MARVELD2: variants seen among roughly 807,000 people sequenced by gnomAD.
MARVELD2 encodes the protein MARVEL domain containing 2.
A neutral mutation model predicts 57.6 loss-of-function variants in MARVELD2; 49 were observed. That is an observed-to-expected ratio of 0.85 (90% CI 0.68 to 1.08). The LOEUF (loss-of-function observed/expected upper bound fraction) is 1.08. Among genes scored for constraint, MARVELD2 ranks in the 50% least tolerant of loss-of-function variants. MARVELD2 has a pLI of 0.00. For synonymous variants in MARVELD2, 238 were observed against 258.8 expected, an observed-to-expected ratio of 0.92 and a Z score of 0.77; for missense variants, 606 against 701.1, an observed-to-expected ratio of 0.86 and a Z score of 1.53.
At chr5:69,438,528 G>A (rs577048769) in intron 5 of MARVELD2, among the ~76,000 whole-genome samples, 1 of 152,214 alleles carries the variant, frequency 6.6e-6, no homozygotes, top group South Asian at 2.1e-4. Flanking sequence ...CAGGAAGAGT[G>A]CTCAAAGCCA....
chr5:69,433,912 CT>C lies in MARVELD2; in HGVS notation c.1503+831del, dbSNP rs531733396. On this transcript the variant is annotated intron_variant, in intron 5 of 6. Transcript: ENST00000325631. ...CTTCAATTATTAAACAGTATTTCTT[CT>C]TTTTTTTTTTTCACTCTGTGCTTAC... Among the ~76,000 whole-genome samples the C allele has an allele frequency of 7.8e-3, 1,119 of 144,294 alleles. 14 individuals carry two copies. The highest frequency in any genetic ancestry group is 0.024 in the African/African-American group (967 of 39,648). The allele number at this position is 144,294 out of a possible 152,430, so 94.7% of individuals were successfully genotyped here.
chr5:69,429,540 T>G (rs1183888638), intron 3 of MARVELD2, among the ~76,000 whole-genome samples: 3 of 152,116 alleles, frequency 2.0e-5, no homozygotes, highest in African/African-American at 7.2e-5. Flanking sequence ...CCAAGCACGA[T>G]CTTACTTTCC....
At chr5:69,436,041 T>G (rs1767126454) in intron 5 of MARVELD2, among the ~76,000 whole-genome samples, 1 of 152,206 alleles carries the variant, frequency 6.6e-6, no homozygotes, top group Non-Finnish European at 1.5e-5. Context: ...TATCAAGAGA[T>G]AGACATTTGG....
chr5:69,425,443 C>T (rs933331534), intron 3 of MARVELD2, among the ~76,000 whole-genome samples: 14 of 148,264 alleles, frequency 9.4e-5, no homozygotes, highest in African/African-American at 3.4e-4. Flanking sequence ...GTAGCTGTTA[C>T]ATCGAGTTCA....
At position 69,419,371 on chromosome 5, in the gene MARVELD2, G is replaced by T; in HGVS notation, c.-15G>T. The T allele has an allele frequency of 6.2e-7, 1 of 1,614,146 alleles. No homozygotes were observed. The highest frequency in any genetic ancestry group is 8.5e-7 in the Non-Finnish European group (1 of 1,179,994). On this transcript the variant is annotated splice_region_variant and 5_prime_UTR_variant, in exon 2 of 7. Coordinates refer to ENST00000325631, the MANE Select transcript of MARVELD2 (RefSeq NM_001038603.3). ...GTGATAACTTTAAATTTGGCCACAG[G>T]TGTGAAAATCACAAATGTCAAATGA...
intron 1 of MARVELD2, chr5:69,415,800 C>T (rs1766391020): frequency 6.6e-6 from 1 of 152,288 alleles, no homozygotes; most frequent in Non-Finnish European, 1.5e-5. Context: ...AGCCATTTCT[C>T]CTGCCATTGC....
At chr5:69,423,939 G>A (rs529794985) in intron 2 of MARVELD2, among the ~76,000 whole-genome samples, 23 of 151,984 alleles carry the variant, frequency 1.5e-4, no homozygotes, top group Non-Finnish European at 3.4e-4. Context: ...TTTCTTAAAT[G>A]TACATCTCTG....
At chr5:69,439,567 A>G (rs1767264247) in intron 5 of MARVELD2, among the ~76,000 whole-genome samples, 1 of 151,822 alleles carries the variant, frequency 6.6e-6, no homozygotes, top group Non-Finnish European at 1.5e-5. Flanking sequence ...CAGCCTGGGA[A>G]ACATGGCAAA....
intron 3 of MARVELD2, among the ~76,000 whole-genome samples, chr5:69,425,988 C>T (rs1044292731): frequency 3.3e-5 from 5 of 151,826 alleles, no homozygotes; most frequent in South Asian, 2.1e-4. Flanking sequence ...GTGATCCGCC[C>T]GCCTCGGCCT....
intron 1 of MARVELD2, among the ~76,000 whole-genome samples, chr5:69,417,715 G>A (rs915608663): frequency 3.9e-5 from 6 of 151,938 alleles, no homozygotes; most frequent in African/African-American, 1.5e-4. Flanking sequence ...AGGCCGAGGC[G>A]GGTGGATTAT....
At position 69,420,282 on chromosome 5, in the gene MARVELD2, C is replaced by G. The variant is rs1766580596; in HGVS notation, c.897C>G (p.Ala299=). ...TAACTGAATTTGGAATTAACGTTGC[C>G]TTGTTTATTTTGTATATGGCCGCAG... The part of the protein sequence containing the change: ...WPLTEFGINV[A]LFILYMAAAI... Residue 299 remains alanine (A), a synonymous_variant, in exon 2 of 7, where the codon GCC becomes GCG. Coordinates refer to ENST00000325631, the MANE Select transcript of MARVELD2 (RefSeq NM_001038603.3). 3.1e-6 allele frequency: 5 copies of G among 1,614,118 alleles called. No individual in the cohort carries two copies. In the East Asian group the frequency reaches 1.1e-4, roughly 36 times the overall value.
At chr5:69,438,447 G>A (rs879728146) in intron 5 of MARVELD2, among the ~76,000 whole-genome samples, 4 of 152,186 alleles carry the variant, frequency 2.6e-5, no homozygotes, top group Non-Finnish European at 2.9e-5. Context: ...GTATGTAAAA[G>A]AGATTGAAGA....
intron 3 of MARVELD2, among the ~76,000 whole-genome samples, chr5:69,425,333 A>G (rs1224593625): frequency 6.6e-6 from 1 of 150,612 alleles, no homozygotes; most frequent in Non-Finnish European, 1.5e-5. Flanking sequence ...AGCATGGCAC[A>G]TGTATACATA....
rs140764671 is a variant in MARVELD2 at position 69,419,749 on chromosome 5, G to A, written c.364G>A (p.Ala122Thr). 1,232 of 1,614,130 alleles carry A rather than the reference G, an allele frequency of 7.6e-4. 16 individuals carry two copies. The African/African-American group carries it at 0.015, about 20-fold the overall frequency. ...GVECSPPASP[A>T]RPNHRSPLNS... The stretch of plus-strand genomic sequence containing the variant: ...GGAGTGTTCACCACCAGCCTCTCCA[G>A]CAAGACCAAACCACCGTTCGCCCCT... Residue 122 changes from alanine to threonine, a missense_variant, in exon 2 of 7, where the codon GCA becomes ACA. Ala to Thr is a moderately conservative substitution (Grantham distance 58, BLOSUM62 0). Transcript: ENST00000325631.
Position 69,443,614 on chromosome 5 carries a change from G to A in MARVELD2, c.*1960G>A, listed in dbSNP as rs180807308. 9 of 152,092 alleles carry A rather than the reference G, an allele frequency of 5.9e-5. No individual in the cohort carries two copies. The highest frequency in any genetic ancestry group is 1.9e-4 in the East Asian group (1 of 5,178). 9.4% of individuals were successfully genotyped at this position (152,092 alleles called of 1,614,324 possible). A position where few individuals can be genotyped will look rare whatever the true frequency, so the allele number is the denominator to read the frequency against. On this transcript the variant is annotated 3_prime_UTR_variant, in exon 7 of 7. Transcript: ENST00000325631. ...ACAAAGTTTTTTTTTAAACAAAATC[G>A]TTCTTGTTGGATTTTATTCAGCAGC...
intron 1 of MARVELD2, among the ~76,000 whole-genome samples, chr5:69,417,949 A>G (rs951934770): frequency 5.9e-5 from 9 of 151,880 alleles, no homozygotes; most frequent in East Asian, 3.9e-4. Context: ...AAAAAAAAAA[A>G]AAAAAAGAAT....
At chr5:69,415,314 G>C (rs1210574278) in intron 1 of MARVELD2, 144 bp downstream of exon 1, 1 of 152,046 alleles carries the variant, frequency 6.6e-6, no homozygotes, top group African/African-American at 2.4e-5. Context: ...AGGGATCCGG[G>C]GAGGCCCGCG....
At chr5:69,422,262 T>C (rs1042015973) in intron 2 of MARVELD2, among the ~76,000 whole-genome samples, 6 of 152,218 alleles carry the variant, frequency 3.9e-5, no homozygotes, top group Admixed American at 3.3e-4. Context: ...AACCTTAAAC[T>C]CTGGCTGCCT....
intron 2 of MARVELD2, among the ~76,000 whole-genome samples, chr5:69,421,333 C>T (rs1314822278): frequency 6.6e-6 from 1 of 152,096 alleles, no homozygotes; most frequent in African/African-American, 2.4e-5. Context: ...TGATATTTTG[C>T]CTTCTTCCAA....
Sources: allele counts gnomAD v4.1 joint callset (sites outside exome capture counted in the v4.1 genomes callset), GRCh38; gene constraint gnomAD v4.1.1; transcripts MANE v1.5; gene names NCBI Gene and HGNC (gene_info 2026-07-23, HGNC 2026-07-21).